Variants in FAT4 observed in about 807,000 individuals in gnomAD.
The protein encoded by FAT4 is protocadherin Fat 4.
In FAT4, 84 loss-of-function variants were observed where a neutral mutation model predicts 303.9. The ratio of observed to expected loss-of-function variants is 0.28; its 90% confidence interval spans 0.23 to 0.33. FAT4 has a LOEUF of 0.33. Among genes scored for constraint, FAT4 ranks in the 10% least tolerant of loss-of-function variants. The pLI is 1.00. For synonymous variants in FAT4, 2,307 were observed against 2,298.8 expected, an observed-to-expected ratio of 1.00 and a Z score of -0.10; for missense variants, 6,005 against 6,146.8, an observed-to-expected ratio of 0.98 and a Z score of 0.77.
chr4:125,484,116 A>G (rs979913694), intron 16 of FAT4, among the ~76,000 whole-genome samples: 3 of 150,962 alleles, frequency 2.0e-5, no homozygotes, highest in Non-Finnish European at 4.4e-5. Context: ...AGATGAGGAC[A>G]TTTTGTGAAA....
intron 10 of FAT4, among the ~76,000 whole-genome samples, chr4:125,455,088 C>CT (rs1188334135): frequency 3.9e-5 from 6 of 152,196 alleles, no homozygotes; most frequent in African/African-American, 1.4e-4. Context: ...CTCACTCTTT[C>CT]TTACCCATCC....
intron 2 of FAT4, among the ~76,000 whole-genome samples, chr4:125,355,214 T>C (rs1732380484): frequency 6.6e-6 from 1 of 151,992 alleles, no homozygotes; most frequent in African/African-American, 2.4e-5. Flanking sequence ...AAATGATTTA[T>C]ACATTCATGT....
rs1727654293 is a variant in FAT4, at chr4:125,491,693, AG to A, written c.14878del (p.Ala4960GlnfsTer32). On this transcript the variant is annotated frameshift_variant, in exon 18 of 18. Coordinates refer to ENST00000394329, the MANE Select transcript of FAT4 (RefSeq NM_001291303.3). LOFTEE classifies it high-confidence loss of function. ...ATTTGGCATCTCTTCCAGAAAAAGC[AG>A]CAGCAAATGAAGAAGGCAAAGCTGG... ...KDLASLPEKA[A>X]ANEEGKAGTT... 4 of 1,614,072 alleles carry A rather than the reference AG, an allele frequency of 2.5e-6. No individual in the cohort carries two copies. The highest frequency in any genetic ancestry group is 1.3e-5 in the African/African-American group (1 of 74,944).
intron 2 of FAT4, among the ~76,000 whole-genome samples, chr4:125,391,837 A>C (rs1240349012): frequency 2.6e-5 from 4 of 152,168 alleles, no homozygotes; most frequent in African/African-American, 9.6e-5. Context: ...TGATTAATAC[A>C]TCTTTATATG....
rs370892297 is a variant in FAT4, at chr4:125,317,873, G to A, written c.1462G>A (p.Ala488Thr). 27 of 1,614,054 alleles carry A rather than the reference G, an allele frequency of 1.7e-5. No individual in the cohort carries two copies. In the African/African-American group the frequency reaches 3.5e-4, roughly 21 times the overall value. Reference protein sequence around the residue: ...QVYRVNLSEEAPPGSYVSGIS... With the variant: ...QVYRVNLSEETPPGSYVSGIS... ...GTACAGAGTGAACCTGAGCGAGGAG[G>A]CGCCTCCGGGAAGCTATGTGAGTGG... Residue 488 changes from alanine (A) to threonine (T), a missense_variant, in exon 2 of 18, where the codon GCG (alanine) becomes ACG (threonine). Coordinates refer to ENST00000394329, the MANE Select transcript of FAT4 (RefSeq NM_001291303.3). This position sits in a 1 kb window ranked among gnomAD's most constrained non-coding sequence, Gnocchi z 7.0.
At chr4:125,466,120 C>G (rs900649554) in intron 11 of FAT4, among the ~76,000 whole-genome samples, 1 of 152,086 alleles carries the variant, frequency 6.6e-6, no homozygotes, top group Non-Finnish European at 1.5e-5. Context: ...TTTTTCGATA[C>G]TTAGATTTTT....
Position 125,490,526 on chromosome 4 carries a change from C to T in FAT4, c.13710C>T (p.Asp4570=), listed in dbSNP as rs776650538. The change falls in exon 18 of 18, where the codon GAC becomes GAT. Residue 4570 remains aspartate, a synonymous_variant. Coordinates refer to ENST00000394329, the MANE Select transcript of FAT4 (RefSeq NM_001291303.3). ...DPDNIPPYGD[D]MTVRKQPEGN... is the part of the protein sequence containing the mutation. ...ACAATATCCCTCCCTATGGGGATGA[C>T]ATGACTGTGAGGAAGCAGCCTGAAG... The T allele has an allele frequency of 6.2e-7, 1 of 1,614,088 alleles. No individual in the cohort carries two copies. The highest frequency in any genetic ancestry group is 1.3e-5 in the African/African-American group (1 of 75,010).
rs1725817361 is a variant in FAT4, at chr4:125,446,105, G to T, written c.7200-188G>T. 7.7e-6 allele frequency: 4 copies of T among 517,014 alleles called. No homozygotes were observed. The Admixed American group carries it at 1.3e-4, about 17-fold the overall frequency. The allele number at this position is 517,014 out of a possible 1,614,324, so 32.0% of individuals were successfully genotyped here. A position where few individuals can be genotyped will look rare whatever the true frequency, so the allele number is the denominator to read the frequency against. On this transcript the variant is annotated intron_variant, in intron 8 of 17. Coordinates refer to ENST00000394329, the MANE Select transcript of FAT4 (RefSeq NM_001291303.3). ...CACTGGACATCTCACGATAAAGACT[G>T]TCAATGTGATGTTCACAGAAAATTT...
intron 2 of FAT4, among the ~76,000 whole-genome samples, chr4:125,361,998 A>G (rs571125580): frequency 2.6e-5 from 4 of 152,046 alleles, no homozygotes; most frequent in Admixed American, 1.3e-4. Flanking sequence ...TTCCCTACTA[A>G]CCATGGGTAG....
At chr4:125,322,932 A>C in intron 2 of FAT4, among the ~76,000 whole-genome samples, 1 of 152,208 alleles carries the variant, frequency 6.6e-6, no homozygotes, top group East Asian at 1.9e-4. Context: ...AATTATTTAA[A>C]AAATATTTTA....
At chr4:125,468,945 A>C in intron 12 of FAT4, 126 bp downstream of exon 12, 2 of 1,073,756 alleles carry the variant, frequency 1.9e-6, no homozygotes, top group South Asian at 3.5e-5. Flanking sequence ...TGAAAAACTT[A>C]GACATAATAT....
chr4:125,325,247 T>C (rs888032781), intron 2 of FAT4, among the ~76,000 whole-genome samples: 1 of 152,330 alleles, frequency 6.6e-6, no homozygotes, highest in African/African-American at 2.4e-5. Flanking sequence ...GATTTTTTTT[T>C]ACCTATTCCT....
In FAT4 at chr4:125,339,142, C is replaced by A. The variant is rs576722716; in HGVS notation, c.5175+17556C>A. ...ATCCTGGTCAGGAAATATAATTATT[C>A]ATCTCTCTACAACATTATCAACATT... On this transcript the variant is annotated intron_variant, in intron 2 of 17. Coordinates refer to ENST00000394329, the MANE Select transcript of FAT4 (RefSeq NM_001291303.3). Among the ~76,000 whole-genome samples, 175 of 152,204 alleles carry A rather than the reference C, an allele frequency of 1.1e-3. 1 individual carries two copies. The highest frequency in any genetic ancestry group is 2.1e-3 in the Admixed American group (32 of 15,280).
In FAT4 at chr4:125,452,173, A is replaced by G. The variant is rs2126061767; in HGVS notation, c.11163A>G (p.Val3721=). 1.2e-6 allele frequency: 2 copies of G among 1,614,226 alleles called. No individual in the cohort carries two copies. The highest frequency in any genetic ancestry group is 1.7e-6 in the Non-Finnish European group (2 of 1,180,038). The change falls in exon 10 of 18, where the codon GTA becomes GTG. Residue 3721 remains valine (V), a synonymous_variant. Transcript: ENST00000394329. The part of the protein sequence containing the change: ...VDNSILLRLG[V]PTVKDFLTNH... ...ACAGCATCTTACTTCGTCTCGGCGT[A>G]CCAACAGTAAAGGACTTCTTGACCA...
chr4:125,354,612 C>T (rs1732356641), intron 2 of FAT4, among the ~76,000 whole-genome samples: 1 of 151,348 alleles, frequency 6.6e-6, no homozygotes, highest in Non-Finnish European at 1.5e-5. Context: ...AGAAATGAAA[C>T]CACAGTGTAG....
At chr4:125,481,131 A>G (rs1164797832) in intron 15 of FAT4, among the ~76,000 whole-genome samples, 2 of 152,188 alleles carry the variant, frequency 1.3e-5, no homozygotes, top group African/African-American at 4.8e-5. Context: ...TAAAGATTAC[A>G]AATCATTTTA....
chr4:125,337,353 A>G (rs759260749), intron 2 of FAT4, among the ~76,000 whole-genome samples: 2 of 152,102 alleles, frequency 1.3e-5, no homozygotes, highest in African/African-American at 2.4e-5. Flanking sequence ...AAGGAAAAGC[A>G]TACTTAGGAA....
intron 10 of FAT4, among the ~76,000 whole-genome samples, chr4:125,461,428 A>G (rs1197105650): frequency 1.3e-5 from 2 of 152,064 alleles, no homozygotes; most frequent in East Asian, 3.8e-4. Context: ...TTGAGTAAGT[A>G]TACATAGCAG....
chr4:125,468,663 C>G lies in FAT4; in HGVS notation c.12057C>G (p.Asn4019Lys). 6.2e-7 allele frequency: 1 copy of G among 1,614,066 alleles called. No individual in the cohort carries two copies. The highest frequency in any genetic ancestry group is 8.5e-7 in the Non-Finnish European group (1 of 1,180,010). ...CCTTATTGCTTTACAACTATGACAA[C>G]CAGACAGGCGACCGGGCTGAGTTTT... ...SHALLLYNYD[N>K]QTGDRAEFLA... Residue 4019 changes from asparagine to lysine, a missense_variant, in exon 12 of 18, where the codon AAC becomes AAG. Physicochemically the swap from Asn to Lys is moderately conservative, Grantham distance 94 (BLOSUM62 0). Coordinates refer to ENST00000394329, the MANE Select transcript of FAT4 (RefSeq NM_001291303.3).
Sources: allele counts gnomAD v4.1 joint callset (sites outside exome capture counted in the v4.1 genomes callset), GRCh38; gene constraint gnomAD v4.1.1; non-coding constraint Gnocchi (gnomAD v3.1); transcripts MANE v1.5; gene names NCBI Gene and HGNC (gene_info 2026-07-23, HGNC 2026-07-21).